SHISA9: variants seen among roughly 807,000 people sequenced by gnomAD.
SHISA9 encodes the protein protein shisa-9.
In SHISA9, 13 loss-of-function variants were observed where a neutral mutation model predicts 38.0. That is an observed-to-expected ratio of 0.34 (90% CI 0.22 to 0.54). The LOEUF (loss-of-function observed/expected upper bound fraction) is 0.54. Among genes scored for constraint, SHISA9 ranks in the 20% least tolerant of loss-of-function variants. The pLI is 0.91. For synonymous variants in SHISA9, 275 were observed against 242.0 expected (o/e 1.14, Z -1.27); for missense variants, 538 against 575.8 (o/e 0.93, Z 0.67).
chr16:13,222,607 T>A (rs1252630762), intron 4 of SHISA9, among the ~76,000 whole-genome samples: 1 of 152,062 alleles, frequency 6.6e-6, no homozygotes, highest in African/African-American at 2.4e-5. Flanking sequence ...TGAGTGACCA[T>A]GTGTCCAAGA....
At chr16:13,296,321 A>G in the SHISA9 span, among the ~76,000 whole-genome samples, 1 of 151,368 alleles carries the variant, frequency 6.6e-6, no homozygotes, top group Admixed American at 6.6e-5. Context: ...TCCTCAAGTT[A>G]TATTTTTTTA....
the SHISA9 span, among the ~76,000 whole-genome samples, chr16:13,392,337 A>G: frequency 6.6e-6 from 1 of 152,174 alleles, no homozygotes; most frequent in Non-Finnish European, 1.5e-5. Context: ...TCTATTTTTC[A>G]TGGTAAAAGT....
At chr16:13,286,630 T>C in the SHISA9 span, among the ~76,000 whole-genome samples, 1 of 152,234 alleles carries the variant, frequency 6.6e-6, no homozygotes, top group African/African-American at 2.4e-5. Flanking sequence ...CTGCAAAATA[T>C]ATCGGAGAGC....
the SHISA9 span, among the ~76,000 whole-genome samples, chr16:13,418,041 T>C: frequency 6.6e-6 from 1 of 152,228 alleles, no homozygotes; most frequent in Non-Finnish European, 1.5e-5. Context: ...CTTCCTTTAT[T>C]ACTTCCTTTG....
At chr16:13,321,465 T>A in the SHISA9 span, among the ~76,000 whole-genome samples, 1 of 152,188 alleles carries the variant, frequency 6.6e-6, no homozygotes, top group Non-Finnish European at 1.5e-5. Context: ...TGTCCAGAAG[T>A]CATCTGTTAA....
At chr16:13,084,333 T>C (rs2073687209) in intron 2 of SHISA9, among the ~76,000 whole-genome samples, 1 of 152,220 alleles carries the variant, frequency 6.6e-6, no homozygotes, top group Non-Finnish European at 1.5e-5. Flanking sequence ...TGTGGAAATA[T>C]GTTCCCATGA....
At chr16:13,365,946 A>T in the SHISA9 span, among the ~76,000 whole-genome samples, 1 of 152,222 alleles carries the variant, frequency 6.6e-6, no homozygotes, top group Non-Finnish European at 1.5e-5. Flanking sequence ...TCTATAGCTC[A>T]GTAAGTTTCC....
At chr16:13,265,647 C>T in the SHISA9 span, among the ~76,000 whole-genome samples, 1 of 148,504 alleles carries the variant, frequency 6.7e-6, no homozygotes, top group African/African-American at 2.5e-5. Context: ...CTCCTCTCCT[C>T]TCATTCATTC....
intron 2 of SHISA9, among the ~76,000 whole-genome samples, chr16:13,183,659 T>C (rs555115779): frequency 6.6e-6 from 1 of 152,374 alleles, no homozygotes; most frequent in East Asian, 1.9e-4. Context: ...GTTTTCCTTT[T>C]GTGAATAACT....
intron 2 of SHISA9, among the ~76,000 whole-genome samples, chr16:13,192,774 C>G (rs1433172629): frequency 3.3e-5 from 5 of 152,006 alleles, no homozygotes; most frequent in African/African-American, 1.2e-4. Flanking sequence ...ACTTGGGAGG[C>G]TGAAGCAGGA....
chr16:12,984,986 G>T (rs998295961), intron 2 of SHISA9, among the ~76,000 whole-genome samples: 3 of 152,152 alleles, frequency 2.0e-5, no homozygotes, highest in African/African-American at 7.2e-5. Flanking sequence ...CCCTGAAATT[G>T]TCCCTTGCTC....
At chr16:13,009,070 T>C (rs2072637996) in intron 2 of SHISA9, among the ~76,000 whole-genome samples, 1 of 151,800 alleles carries the variant, frequency 6.6e-6, no homozygotes, top group Non-Finnish European at 1.5e-5. Flanking sequence ...TGTTCTAGGC[T>C]CTGTTCTAAG....
At chr16:13,260,845 A>G in the SHISA9 span, among the ~76,000 whole-genome samples, 1 of 152,196 alleles carries the variant, frequency 6.6e-6, no homozygotes. Context: ...TGATAAGGAC[A>G]TACCTGAAAC....
chr16:13,216,512 G>A (rs1235235131), intron 4 of SHISA9, among the ~76,000 whole-genome samples: 2 of 152,202 alleles, frequency 1.3e-5, no homozygotes, highest in Admixed American at 1.3e-4. Flanking sequence ...AATAAAAACT[G>A]GTGAACTCTT....
intron 2 of SHISA9, among the ~76,000 whole-genome samples, chr16:12,948,045 G>A (rs1022173082): frequency 6.6e-6 from 1 of 152,176 alleles, no homozygotes; most frequent in African/African-American, 2.4e-5. Context: ...GTTTTCCCTA[G>A]TAAGAAAAGA....
At position 13,073,967 on chromosome 16, in the gene SHISA9, T is replaced by TC. The variant is rs1371320463; in HGVS notation, c.692-129427_692-129426insC. ...AAATTTCTGCTGGTCGTTTTTTTTTTTGTTTTTTTTTTTTGTGGGGGGTGC... is the reference window on the plus strand; with the variant it reads ...AAATTTCTGCTGGTCGTTTTTTTTTTCTGTTTTTTTTTTTTGTGGGGGGTGC... On this transcript the variant is annotated intron_variant, in intron 2 of 4. Coordinates refer to ENST00000558583, the MANE Select transcript of SHISA9 (RefSeq NM_001145204.3). 1.1e-4 allele frequency among the ~76,000 whole-genome samples: 14 copies of TC among 130,202 alleles called. No homozygotes were observed. In the East Asian group the frequency reaches 2.9e-3, roughly 27 times the overall value. 85.4% of individuals were successfully genotyped at this position (130,202 alleles called of 152,430 possible).
chr16:13,191,503 G>T (rs953420566), intron 2 of SHISA9, among the ~76,000 whole-genome samples: 1 of 152,216 alleles, frequency 6.6e-6, no homozygotes, highest in African/African-American at 2.4e-5. Context: ...GCGTTGCTAA[G>T]CATGATGATC....
At chr16:12,913,879 C>T (rs34964897) in intron 1 of SHISA9, among the ~76,000 whole-genome samples, 1 of 151,840 alleles carries the variant, frequency 6.6e-6, no homozygotes, top group Non-Finnish European at 1.5e-5. Context: ...ATTCCATTTC[C>T]TGTAACACAT....
the SHISA9 span, among the ~76,000 whole-genome samples, chr16:13,536,350 C>G: frequency 6.6e-6 from 1 of 152,192 alleles, no homozygotes; most frequent in Non-Finnish European, 1.5e-5. Context: ...ATCCCTGTGG[C>G]TACTTCTTTT....
Sources: gnomAD v4.1 joint callset for allele counts (sites outside exome capture counted in the v4.1 genomes callset) on GRCh38, gnomAD v4.1.1 for gene constraint, MANE v1.5 for transcripts, NCBI Gene and HGNC (gene_info 2026-07-23, HGNC 2026-07-21) for gene names.